The following KTN1 variants were observed in gnomAD, a reference collection of about 807,000 sequenced individuals.
KTN1 encodes the protein kinectin.
KTN1 carries 130 observed loss-of-function variants against 222.5 expected under a neutral mutation model. That is an observed-to-expected ratio of 0.58 (90% confidence interval 0.51 to 0.68). The LOEUF (loss-of-function observed/expected upper bound fraction) is 0.68. Ranked by LOEUF, KTN1 falls within the 30% of genes least tolerant of loss-of-function variation. The probability of loss-of-function intolerance (pLI) is 0.00; values close to 1 mark genes in which losing one functional copy is unlikely to be tolerated. For synonymous variants in KTN1, 512 were observed against 496.3 expected (o/e 1.03, Z -0.42); for missense variants, 1,508 against 1,500.4 (o/e 1.01, Z -0.08).
At chr14:55,648,305 A>G (rs1044724347) in intron 20 of KTN1, among the ~76,000 whole-genome samples, 190 bp downstream of exon 20, 2 of 152,202 alleles carry the variant, frequency 1.3e-5, no homozygotes, top group African/African-American at 4.8e-5. Context: ...GACTGCCTTA[A>G]TGAGGTAGAT....
chr14:55,649,133 TC>T (rs2141093439), intron 21 of KTN1, among the ~76,000 whole-genome samples: 1 of 152,248 alleles, frequency 6.6e-6, no homozygotes, highest in South Asian at 2.1e-4. Flanking sequence ...CGACATGTTG[TC>T]CAGACTGGTC....
At chr14:55,603,854 G>A (rs2036340819) in intron 1 of KTN1, among the ~76,000 whole-genome samples, 1 of 151,996 alleles carries the variant, frequency 6.6e-6, no homozygotes, top group Admixed American at 6.6e-5. Context: ...TTTGTTTTTG[G>A]CCTAGTCTAA....
intron 29 of KTN1, among the ~76,000 whole-genome samples, chr14:55,657,111 C>T (rs982169361): frequency 3.3e-5 from 5 of 152,158 alleles, no homozygotes; most frequent in African/African-American, 1.2e-4. Context: ...CTACCACATT[C>T]CTTCTCCCTC....
At chr14:55,673,403 T>C in intron 40 of KTN1, 148 bp downstream of exon 40, 1 of 472,844 alleles carries the variant, frequency 2.1e-6, no homozygotes, top group Non-Finnish European at 3.8e-6. Context: ...ATTCCGATGA[T>C]TCCTAAGATT....
chr14:55,614,667 A>G (rs2038086316), intron 2 of KTN1, among the ~76,000 whole-genome samples: 1 of 152,254 alleles, frequency 6.6e-6, no homozygotes, highest in African/African-American at 2.4e-5. Flanking sequence ...TTTTATATGC[A>G]GCTACATTCA....
intron 43 of KTN1, among the ~76,000 whole-genome samples, 168 bp from the exon 44 acceptor site, chr14:55,683,931 G>A (rs1450847773): frequency 6.6e-6 from 1 of 151,990 alleles, no homozygotes; most frequent in East Asian, 1.9e-4. Flanking sequence ...TTTGAATCCT[G>A]AGATTTTTCT....
At chr14:55,664,494 A>T (rs1396519523) in intron 33 of KTN1, among the ~76,000 whole-genome samples, 1 of 152,190 alleles carries the variant, frequency 6.6e-6, no homozygotes, top group Non-Finnish European at 1.5e-5. Context: ...TAAATACAGG[A>T]AAGGCATCAA....
intron 32 of KTN1, chr14:55,663,040 C>T (rs964286635): frequency 8.9e-6 from 4 of 448,552 alleles, no homozygotes; most frequent in African/African-American, 6.0e-5. Context: ...TCTGTGTATA[C>T]TTGGCTCAGT....
In KTN1 at chr14:55,661,621, A is replaced by G. The variant is rs1217799330; in HGVS notation, c.3090+9A>G. On this transcript the variant is annotated intron_variant, in intron 32 of 43. Transcript: ENST00000395314. ...AGAGGAAGAAAAACAATGTAAGTAGATCTTTATCAGAATGAAGCTTTTCTT... is the reference window on the plus strand; with the variant it reads ...AGAGGAAGAAAAACAATGTAAGTAGGTCTTTATCAGAATGAAGCTTTTCTT... 1.4e-6 allele frequency: 2 copies of G among 1,431,256 alleles called. No homozygotes were observed. The highest frequency in any genetic ancestry group is 2.8e-5 in the African/African-American group (2 of 71,238). 88.7% of individuals were successfully genotyped at this position (1,431,256 alleles called of 1,614,324 possible).
In KTN1 at chr14:55,672,634, A is replaced by G. The variant is rs1245278232; in HGVS notation, c.3536A>G (p.Gln1179Arg). ...DESHKTIKQM[Q>R]SSFTSSEQEL... ...TGTAATTGTTTCACATTTCAGATGC[A>G]GTCATCATTTACATCTTCAGAACAA... Residue 1179 changes from glutamine to arginine, a missense_variant, in exon 38 of 44, where the codon CAG (glutamine) becomes CGG (arginine). Gln to Arg is a conservative substitution (Grantham distance 43, BLOSUM62 1). Transcript: ENST00000395314. 1.9e-6 allele frequency: 3 copies of G among 1,599,754 alleles called. No homozygotes were observed. The highest frequency in any genetic ancestry group is 8.6e-7 in the Non-Finnish European group (1 of 1,167,524).
intron 22 of KTN1, 81 bp from the exon 23 acceptor site, chr14:55,650,247 T>G: frequency 1.2e-6 from 1 of 857,122 alleles, no homozygotes; most frequent in Non-Finnish European, 1.8e-6. Flanking sequence ...TGGAGAGCCA[T>G]TTCATTATTT....
intron 1 of KTN1, among the ~76,000 whole-genome samples, chr14:55,591,356 C>A (rs912804979): frequency 2.0e-5 from 3 of 151,874 alleles, no homozygotes; most frequent in Non-Finnish European, 4.4e-5. Flanking sequence ...TTATGACTAG[C>A]TAGAAATAGA....
At chr14:55,615,049 T>G (rs1485664856) in intron 2 of KTN1, among the ~76,000 whole-genome samples, 1 of 152,192 alleles carries the variant, frequency 6.6e-6, no homozygotes, top group Non-Finnish European at 1.5e-5. Flanking sequence ...GTATTTTAAT[T>G]GAAGCCCCAA....
At chr14:55,633,692 G>C (rs897919579) in intron 8 of KTN1, among the ~76,000 whole-genome samples, 2 of 152,082 alleles carry the variant, frequency 1.3e-5, no homozygotes, top group African/African-American at 4.8e-5. Flanking sequence ...GAGTTTATAA[G>C]TTTTAAACCA....
At position 55,656,042 on chromosome 14, in the gene KTN1, G is replaced by A. The variant is rs1184374551; in HGVS notation, c.2802G>A (p.Val934=). The change falls in exon 29 of 44, where the codon GTG becomes GTA. Residue 934 remains valine, a splice_region_variant and synonymous_variant. Transcript: ENST00000395314. ...SASQFEELEI[V]LKEKENELKR... Reference sequence around the variant, plus strand: ...TGCAGATCTTTGTAAAAAATTCTAGGTTGAAAGAAAAGGAAAATGAATTGA... The same window carrying A: ...TGCAGATCTTTGTAAAAAATTCTAGATTGAAAGAAAAGGAAAATGAATTGA... 1 of 1,587,760 alleles carries A rather than the reference G, an allele frequency of 6.3e-7. No individual in the cohort carries two copies. Among genetic ancestry groups the A allele is most frequent in the South Asian group, 1.1e-5 (1 of 87,326 alleles).
intron 17 of KTN1, 151 bp from the exon 18 acceptor site, chr14:55,641,541 G>C (rs575555042): frequency 5.9e-6 from 4 of 677,418 alleles, no homozygotes; most frequent in Non-Finnish European, 1.1e-5. Context: ...TCTGTGTCCA[G>C]TGAAATTTGA....
At chr14:55,634,153 C>T (rs1399488960) in intron 8 of KTN1, among the ~76,000 whole-genome samples, 2 of 151,998 alleles carry the variant, frequency 1.3e-5, no homozygotes, top group Non-Finnish European at 2.9e-5. Context: ...AGACACTTTC[C>T]TTGTGATAGT....
intron 15 of KTN1, 98 bp from the exon 16 acceptor site, chr14:55,640,835 A>G: frequency 2.1e-6 from 2 of 955,422 alleles, no homozygotes; most frequent in Non-Finnish European, 1.6e-6. Flanking sequence ...CTTCAAATAT[A>G]TGGAAATACA....
rs765755065 is a variant in KTN1 at position 55,589,656 on chromosome 14, C to CTT, written c.-31+9321_-31+9322dup. 9.3e-3 allele frequency among the ~76,000 whole-genome samples: 948 copies of CTT among 102,088 alleles called. 46 individuals are homozygous for CTT. The highest frequency in any genetic ancestry group is 0.021 in the African/African-American group (581 of 28,002). 67.0% of individuals were successfully genotyped at this position (102,088 alleles called of 152,430 possible). On this transcript the variant is annotated intron_variant, in intron 1 of 43. Transcript: ENST00000395314. ...CTTGGTTACTATATTCATCTGATTTCTTTTTTTTTTTTTTTTTTTTGAGAT... is the reference window on the plus strand; with the variant it reads ...CTTGGTTACTATATTCATCTGATTTCTTTTTTTTTTTTTTTTTTTTTTGAGAT...
Sources: gnomAD v4.1 joint callset for allele counts (sites outside exome capture counted in the v4.1 genomes callset) on GRCh38, gnomAD v4.1.1 for gene constraint, MANE v1.5 for transcripts, NCBI Gene and HGNC (gene_info 2026-07-23, HGNC 2026-07-21) for gene names.